The following GRIP1 variants were observed in gnomAD, a reference collection of about 807,000 sequenced individuals.
GRIP1 encodes glutamate receptor-interacting protein 1.
Under a neutral mutation model 129.9 loss-of-function variants are expected in GRIP1, and 45 were observed. The ratio of observed to expected loss-of-function variants is 0.35; its 90% CI spans 0.27 to 0.44. The LOEUF (loss-of-function observed/expected upper bound fraction) is 0.44. GRIP1 is among the 20% of genes least tolerant of loss of function. The pLI is 1.00. For synonymous variants in GRIP1, 530 were observed against 520.8 expected (o/e 1.02, Z -0.24); for missense variants, 1,196 against 1,396.8 (o/e 0.86, Z 2.29).
At chr12:66,773,374 T>C (rs1435432290) in intron 1 of GRIP1, among the ~76,000 whole-genome samples, 1 of 152,198 alleles carries the variant, frequency 6.6e-6, no homozygotes, top group Non-Finnish European at 1.5e-5. Flanking sequence ...ATGGGTCAAA[T>C]GGTATTTCTG....
At chr12:66,940,265 G>A (rs2041562980) in intron 1 of GRIP1, among the ~76,000 whole-genome samples, 1 of 152,044 alleles carries the variant, frequency 6.6e-6, no homozygotes, top group Admixed American at 6.6e-5. Flanking sequence ...GGGATCTTGG[G>A]CAAGTCAATC....
At chr12:66,766,379 G>A (rs550839267) in intron 1 of GRIP1, among the ~76,000 whole-genome samples, 3 of 152,278 alleles carry the variant, frequency 2.0e-5, no homozygotes, top group Admixed American at 2.0e-4. Flanking sequence ...GAAGGTGGCT[G>A]GTATTCCAGG....
chr12:66,985,311 G>C (rs2042296071), intron 1 of GRIP1, among the ~76,000 whole-genome samples: 1 of 151,242 alleles, frequency 6.6e-6, no homozygotes, highest in Non-Finnish European at 1.5e-5. Context: ...TGAGCTTGCA[G>C]TATGCGATAT....
In GRIP1 at chr12:66,445,527, A is replaced by C. The variant is rs187615373; in HGVS notation, c.1355-19T>G. 6.3e-7 allele frequency: 1 copy of C among 1,594,386 alleles called. No homozygotes were observed. The highest frequency in any genetic ancestry group is 2.2e-5 in the East Asian group (1 of 44,634). ...AAGGACACTAGAGGAACAAACAGAA[A>C]ATACTGACTTTAGGTTGGAGCAAGC... On this transcript the variant is annotated intron_variant, in intron 11 of 24. Coordinates refer to ENST00000359742, the MANE Select transcript of GRIP1 (RefSeq NM_001366722.1).
chr12:66,507,043 G>C (rs1218130908), intron 7 of GRIP1, among the ~76,000 whole-genome samples: 1 of 152,182 alleles, frequency 6.6e-6, no homozygotes, highest in Non-Finnish European at 1.5e-5. Context: ...TGAAAGGAAA[G>C]TTAAGTCGGT....
intron 1 of GRIP1, among the ~76,000 whole-genome samples, chr12:66,927,574 G>A (rs4913512): frequency 0.4 from 60,369 of 151,926 alleles, 12,377 homozygotes; most frequent in East Asian, 0.6. Context: ...TTCCAGCCAC[G>A]GGAAGGAAAT....
intron 1 of GRIP1, among the ~76,000 whole-genome samples, chr12:66,996,669 T>C (rs566442148): frequency 1.3e-5 from 2 of 152,254 alleles, no homozygotes; most frequent in South Asian, 4.2e-4. Context: ...GCCAGGAAGA[T>C]AGAGATTGAC....
At chr12:66,415,909 G>A (rs1410057047) in intron 15 of GRIP1, among the ~76,000 whole-genome samples, 1 of 152,082 alleles carries the variant, frequency 6.6e-6, no homozygotes, top group African/African-American at 2.4e-5. Flanking sequence ...ACATACACTG[G>A]GGCCTGTCAT....
At chr12:67,029,480 G>A (rs1015548164) in intron 1 of GRIP1, among the ~76,000 whole-genome samples, 6 of 151,272 alleles carry the variant, frequency 4.0e-5, no homozygotes, top group African/African-American at 1.5e-4. Flanking sequence ...TTAGGAGGCT[G>A]AGGTGGGAGG....
chr12:67,012,879 T>G (rs1266819379), intron 1 of GRIP1, among the ~76,000 whole-genome samples: 2 of 152,184 alleles, frequency 1.3e-5, no homozygotes, highest in South Asian at 4.1e-4. Flanking sequence ...TCTGATGGAA[T>G]GATGAAGAAG....
Position 66,406,446 on chromosome 12 carries a change from G to A in GRIP1, c.1839-18C>T. 3 of 1,612,434 alleles carry A rather than the reference G, an allele frequency of 1.9e-6. No individual in the cohort carries two copies. Among genetic ancestry groups the A allele is most frequent in the Non-Finnish European group, 2.5e-6 (3 of 1,178,476 alleles). On this transcript the variant is annotated intron_variant, in intron 15 of 24. Coordinates refer to ENST00000359742, the MANE Select transcript of GRIP1 (RefSeq NM_001366722.1). ...TCCCAGTTCTGTTAGTGAATGCAAA[G>A]TAACACATGACTAATGATGAGCACT... is the stretch of plus-strand genomic sequence containing the variant.
At chr12:66,484,693 G>A (rs953159946) in intron 7 of GRIP1, among the ~76,000 whole-genome samples, 1 of 152,128 alleles carries the variant, frequency 6.6e-6, no homozygotes, top group Non-Finnish European at 1.5e-5. Flanking sequence ...GGGCGGGGGT[G>A]TGAAAAGAGG....
intron 1 of GRIP1, among the ~76,000 whole-genome samples, chr12:66,940,942 A>T (rs192326692): frequency 1.3e-5 from 2 of 152,264 alleles, no homozygotes; most frequent in Admixed American, 1.3e-4. Context: ...ATTTAGTAAA[A>T]TTTTCCATTT....
intron 1 of GRIP1, among the ~76,000 whole-genome samples, chr12:66,951,080 C>T (rs1172548733): frequency 6.6e-6 from 1 of 152,118 alleles, no homozygotes; most frequent in Admixed American, 6.6e-5. Context: ...AAGTCATGTT[C>T]CCACTGTCAA....
chr12:66,735,742 G>T (rs2036574713), intron 1 of GRIP1, among the ~76,000 whole-genome samples: 1 of 152,104 alleles, frequency 6.6e-6, no homozygotes, highest in African/African-American at 2.4e-5. Flanking sequence ...GGCCAAATAA[G>T]CAGGGCAATC....
At chr12:66,628,125 GCAC>G in intron 1 of GRIP1, among the ~76,000 whole-genome samples, 1 of 152,142 alleles carries the variant, frequency 6.6e-6, no homozygotes, top group Admixed American at 6.5e-5. Flanking sequence ...TAGCCACCTG[GCAC>G]CTGCCCATCC....
At chr12:66,923,839 C>T (rs1291313726) in intron 1 of GRIP1, among the ~76,000 whole-genome samples, 1 of 151,866 alleles carries the variant, frequency 6.6e-6, no homozygotes, top group Non-Finnish European at 1.5e-5. Flanking sequence ...GATAATTTTT[C>T]AGCATTTTTT....
chr12:67,041,988 G>A (rs2043187827), intron 1 of GRIP1, among the ~76,000 whole-genome samples: 1 of 152,136 alleles, frequency 6.6e-6, no homozygotes, highest in Admixed American at 6.5e-5. Flanking sequence ...TAAGAGGTGG[G>A]ATCTTTAAGG....
intron 7 of GRIP1, among the ~76,000 whole-genome samples, chr12:66,510,022 C>A (rs1256217053): frequency 2.6e-5 from 4 of 152,138 alleles, no homozygotes; most frequent in African/African-American, 9.7e-5. Context: ...AACCACAGGG[C>A]TCTCAGACCC....
Sources: gnomAD v4.1 joint callset for allele counts (sites outside exome capture counted in the v4.1 genomes callset) on GRCh38, gnomAD v4.1.1 for gene constraint, MANE v1.5 for transcripts, NCBI Gene and HGNC (gene_info 2026-07-23, HGNC 2026-07-21) for gene names.